GABRA1: variants seen among roughly 807,000 people sequenced by gnomAD.
GABRA1 encodes gamma-aminobutyric acid type A receptor subunit alpha1.
A neutral mutation model predicts 48.9 loss-of-function variants in GABRA1; 9 were observed. The ratio of observed to expected loss-of-function variants is 0.18; its 90% CI spans 0.11 to 0.32. The LOEUF is 0.32. Ranked by LOEUF, GABRA1 falls within the 10% of genes least tolerant of loss-of-function variation. The pLI is 1.00. For synonymous variants in GABRA1, 210 were observed against 198.7 expected, an observed-to-expected ratio of 1.06 and a Z score of -0.48; for missense variants, 285 against 553.8, an observed-to-expected ratio of 0.51 and a Z score of 4.87.
rs144349906 is a variant in GABRA1 at position 161,856,849 on chromosome 5, A to C, written c.187+2579A>C. Among the ~76,000 whole-genome samples, 655 of 151,466 alleles carry C rather than the reference A, an allele frequency of 4.3e-3. 6 individuals are homozygous for C. The highest frequency in any genetic ancestry group is 0.015 in the African/African-American group (607 of 41,480). The stretch of plus-strand genomic sequence containing the variant: ...ACAGTTTTAAGACATCTTGAAAAAC[A>C]TAACCAGCCATAGACTTAGAGAAAT... On this transcript the variant is annotated intron_variant, in intron 3 of 9. Transcript: ENST00000393943.
In GABRA1 at chr5:161,850,890, G is replaced by A. The variant is rs754431874; in HGVS notation, c.74+6G>A. ...AGCACACTGACTGGAAGAAGGTGGG[G>A]ACACTTTTTTAAAAATCTGCATGAA... is the stretch of plus-strand genomic sequence containing the variant. On this transcript the variant is annotated splice_donor_region_variant and intron_variant, in intron 2 of 9. Transcript: ENST00000393943. 1 of 1,611,794 alleles carries A rather than the reference G, an allele frequency of 6.2e-7. No individual in the cohort carries two copies. The highest frequency in any genetic ancestry group is 1.1e-5 in the South Asian group (1 of 91,038).
intron 5 of GABRA1, 97 bp downstream of exon 5, chr5:161,873,434 T>C (rs1754211215): frequency 1.0e-6 from 1 of 989,486 alleles, no homozygotes; most frequent in Non-Finnish European, 1.6e-6. Context: ...GTGGAATATT[T>C]GCTTCCTTGT....
chr5:161,895,635 G>A (rs370203353), intron 8 of GABRA1, 31 bp from the exon 9 acceptor site: 3 of 1,569,156 alleles, frequency 1.9e-6, no homozygotes, highest in East Asian at 2.2e-5. Flanking sequence ...GTATGAACTG[G>A]CATCATGTAT....
intron 4 of GABRA1, chr5:161,872,372 G>T (rs76226193): frequency 0.071 from 10,798 of 152,672 alleles, 435 homozygotes; most frequent in South Asian, 0.12. Flanking sequence ...TTCCCTGGCT[G>T]TGAATGATGA....
rs926855960 is a variant in GABRA1 at position 161,881,268 on chromosome 5, C to T, written c.560-1290C>T. 3.9e-5 allele frequency among the ~76,000 whole-genome samples: 6 copies of T among 152,190 alleles called. No individual in the cohort carries two copies. The East Asian group carries it at 9.7e-4, about 25-fold the overall frequency. ...AGTGATATTTTCTTTAATGTTTAAC[C>T]TCATTCTGCATCTAAATAGAAGAGA... On this transcript the variant is annotated intron_variant, in intron 6 of 9. Transcript: ENST00000393943.
chr5:161,892,743 G>A (rs1755153768), intron 8 of GABRA1, among the ~76,000 whole-genome samples: 2 of 152,082 alleles, frequency 1.3e-5, no homozygotes, highest in Admixed American at 6.5e-5. Context: ...CGGGGCCCAC[G>A]TCTGTAATCC....
chr5:161,872,978 TCA>T, intron 4 of GABRA1, 137 bp from the exon 5 acceptor site: 1 of 725,764 alleles, frequency 1.4e-6, no homozygotes, highest in Non-Finnish European at 2.5e-6. Context: ...GTACATGCTA[TCA>T]CACGTTTACT....
chr5:161,854,885 T>C (rs1757587724), intron 3 of GABRA1, among the ~76,000 whole-genome samples: 1 of 151,488 alleles, frequency 6.6e-6, no homozygotes, highest in Non-Finnish European at 1.5e-5. Flanking sequence ...CTTAATAACA[T>C]AATATATATA....
Position 161,854,241 on chromosome 5 carries a change from A to G in GABRA1, c.158A>G (p.Tyr53Cys). 2 of 1,598,570 alleles carry G rather than the reference A, an allele frequency of 1.3e-6. No individual in the cohort carries two copies. Among genetic ancestry groups the G allele is most frequent in the Non-Finnish European group, 1.7e-6 (2 of 1,166,034 alleles). Reference protein sequence around the residue: ...TRILDRLLDGYDNRLRPGLGE... With the variant: ...TRILDRLLDGCDNRLRPGLGE... ...ATTTTGGACAGACTCCTAGATGGTTATGACAATCGCCTGAGACCAGGATTG... is the reference window on the plus strand; with the variant it reads ...ATTTTGGACAGACTCCTAGATGGTTGTGACAATCGCCTGAGACCAGGATTG... Residue 53 changes from tyrosine (Y) to cysteine (C), a missense_variant, in exon 3 of 10, where the codon TAT becomes TGT. Around this residue, in one of 6 missense-constraint regions of GABRA1, gnomAD observed 105 missense variants for 267.4 expected, o/e 0.39. Transcript: ENST00000393943.
At chr5:161,852,650 A>G (rs1002563600) in intron 2 of GABRA1, among the ~76,000 whole-genome samples, 3 of 152,010 alleles carry the variant, frequency 2.0e-5, no homozygotes, top group East Asian at 3.9e-4. Flanking sequence ...ATTTAAAAAA[A>G]CAGCAAGATG....
rs2113381042 is a variant in GABRA1 at position 161,873,175 on chromosome 5, A to G, written c.314A>G (p.Lys105Arg). 1 of 1,613,754 alleles carries G rather than the reference A, an allele frequency of 6.2e-7. No homozygotes were observed. The highest frequency in any genetic ancestry group is 1.1e-5 in the South Asian group (1 of 91,078). Reference protein sequence around the residue: ...QSWKDERLKFKGPMTVLRLNN... With the variant: ...QSWKDERLKFRGPMTVLRLNN... ...TGGAAGGATGAAAGGTTAAAATTTA[A>G]AGGACCTATGACAGTCCTCCGGTTA... Residue 105 changes from lysine (K) to arginine (R), a missense_variant, in exon 5 of 10, where the codon AAA becomes AGA. Coordinates refer to ENST00000393943, the MANE Select transcript of GABRA1 (RefSeq NM_001127644.2).
intron 6 of GABRA1, 96 bp from the exon 7 acceptor site, chr5:161,882,462 A>G: frequency 1.7e-6 from 2 of 1,184,934 alleles, no homozygotes; most frequent in Non-Finnish European, 2.5e-6. Context: ...CTCTGGAACC[A>G]TGATATAGAA....
At chr5:161,858,997 G>A (rs989857817) in intron 3 of GABRA1, among the ~76,000 whole-genome samples, 3 of 151,766 alleles carry the variant, frequency 2.0e-5, no homozygotes, top group African/African-American at 7.2e-5. Context: ...TGATAGAGAA[G>A]TAAGATTGTA....
intron 2 of GABRA1, among the ~76,000 whole-genome samples, chr5:161,852,477 T>A (rs940471589): frequency 1.3e-5 from 2 of 152,058 alleles, no homozygotes; most frequent in African/African-American, 4.8e-5. Context: ...TTTTCCATCT[T>A]TATCAAGATG....
At chr5:161,872,430 AAC>A (rs1436843395) in intron 4 of GABRA1, among the ~76,000 whole-genome samples, 1 of 152,164 alleles carries the variant, frequency 6.6e-6, no homozygotes, top group Non-Finnish European at 1.5e-5. Context: ...TACAATCACA[AAC>A]ACATACTCAC....
intron 7 of GABRA1, among the ~76,000 whole-genome samples, chr5:161,883,147 T>C (rs912107521): frequency 6.6e-6 from 1 of 152,174 alleles, no homozygotes; most frequent in Non-Finnish European, 1.5e-5. Flanking sequence ...AGGCTCCACA[T>C]ATTACCATTA....
rs370816784 is a variant in GABRA1, at chr5:161,897,173, C to T, written c.1122C>T (p.Ser374=). 1 of 1,614,018 alleles carries T rather than the reference C, an allele frequency of 6.2e-7. No individual in the cohort carries two copies. The highest frequency in any genetic ancestry group is 8.5e-7 in the Non-Finnish European group (1 of 1,180,002). ...KNNTYAPTAT[S]YTPNLARGDP... is the part of the protein sequence containing the mutation. The stretch of plus-strand genomic sequence containing the variant: ...ACACTTACGCTCCAACAGCAACCAG[C>T]TACACCCCTAATTTGGCCAGGGGCG... The change falls in exon 10 of 10, where the codon AGC becomes AGT. Residue 374 remains serine, a synonymous_variant. Coordinates refer to ENST00000393943, the MANE Select transcript of GABRA1 (RefSeq NM_001127644.2).
intron 3 of GABRA1, among the ~76,000 whole-genome samples, chr5:161,858,604 C>T (rs981229058): frequency 2.0e-5 from 3 of 151,730 alleles, no homozygotes; most frequent in Admixed American, 6.6e-5. Context: ...TGTACATATG[C>T]TCATTTCCAC....
In GABRA1 at chr5:161,899,939, T is replaced by A. The variant is rs966538791; in HGVS notation, c.*2517T>A. ...ATTCTACTGAATAATAAAGCTAACATTATTCAATAATAAAATGGAATACTT... is the reference window on the plus strand; with the variant it reads ...ATTCTACTGAATAATAAAGCTAACAATATTCAATAATAAAATGGAATACTT... On this transcript the variant is annotated 3_prime_UTR_variant, in exon 10 of 10. Coordinates refer to ENST00000393943, the MANE Select transcript of GABRA1 (RefSeq NM_001127644.2). 6.6e-6 allele frequency: 1 copy of A among 152,170 alleles called. No homozygotes were observed. The highest frequency in any genetic ancestry group is 1.5e-5 in the Non-Finnish European group (1 of 68,022). The allele number at this position is 152,170 out of a possible 1,614,324, so 9.4% of individuals were successfully genotyped here. A position where few individuals can be genotyped will look rare whatever the true frequency, so the allele number is the denominator to read the frequency against.
Sources: allele counts gnomAD v4.1 joint callset (sites outside exome capture counted in the v4.1 genomes callset), GRCh38; gene constraint gnomAD v4.1.1; regional missense constraint gnomAD v4.1.1; transcripts MANE v1.5; gene names NCBI Gene and HGNC (gene_info 2026-07-23, HGNC 2026-07-21).